The following RBFOX1 variants were observed in gnomAD, a reference collection of about 807,000 sequenced individuals.
The protein encoded by RBFOX1 is RNA binding fox-1 homolog 1, also known as RNA binding protein fox-1 homolog 1.
RBFOX1 carries 8 observed loss-of-function variants against 57.7 expected under a neutral mutation model. The ratio of observed to expected loss-of-function variants is 0.14; its 90% CI spans 0.08 to 0.25. RBFOX1 has a LOEUF of 0.25. Among genes scored for constraint, RBFOX1 ranks in the 10% least tolerant of loss-of-function variants. The pLI, the probability that RBFOX1 is intolerant of heterozygous loss-of-function variation, is 1.00. For synonymous variants in RBFOX1, 326 were observed against 222.4 expected, an observed-to-expected ratio of 1.47 and a Z score of -4.15; for missense variants, 611 against 548.5, an observed-to-expected ratio of 1.11 and a Z score of -1.14.
chr16:5,324,491 C>G (rs1283769494), intron 1 of RBFOX1, among the ~76,000 whole-genome samples: 1 of 151,986 alleles, frequency 6.6e-6, no homozygotes, highest in East Asian at 1.9e-4. Flanking sequence ...CAATCCTAGC[C>G]CTGCCCCAAA....
intron 3 of RBFOX1, among the ~76,000 whole-genome samples, chr16:6,961,950 G>T (rs370589047): frequency 1.6e-5 from 2 of 128,086 alleles, no homozygotes; most frequent in Non-Finnish European, 3.4e-5. Context: ...CAGACCTTCT[G>T]TCTCATCCTG....
At chr16:7,037,645 T>C (rs2044912461) in intron 3 of RBFOX1, among the ~76,000 whole-genome samples, 1 of 152,232 alleles carries the variant, frequency 6.6e-6, no homozygotes, top group Admixed American at 6.5e-5. Flanking sequence ...TAGGCACTCT[T>C]CTAATTGCTT....
chr16:5,505,973 C>G (rs756900488), intron 2 of RBFOX1, among the ~76,000 whole-genome samples: 12 of 152,098 alleles, frequency 7.9e-5, no homozygotes, highest in Admixed American at 6.5e-5. Flanking sequence ...CCCGCATTGA[C>G]CCAGATTGTG....
chr16:5,701,094 G>A (rs2051030914), intron 3 of RBFOX1, among the ~76,000 whole-genome samples: 1 of 144,754 alleles, frequency 6.9e-6, no homozygotes, highest in Non-Finnish European at 1.5e-5. Flanking sequence ...TTCTTGCCCT[G>A]ATGATACCAG....
At chr16:7,303,611 GAAGGAAAAA>G (rs2096086652) in intron 4 of RBFOX1, among the ~76,000 whole-genome samples, 1 of 152,068 alleles carries the variant, frequency 6.6e-6, no homozygotes, top group Non-Finnish European at 1.5e-5. Flanking sequence ...GAAGGGGAGG[GAAGGAAAAA>G]AAGGAAAAAA....
chr16:7,200,713 G>A lies in RBFOX1; in HGVS notation c.27+148615G>A, dbSNP rs539792843. Among the ~76,000 whole-genome samples the A allele has an allele frequency of 8.5e-5, 13 of 152,228 alleles. No homozygotes were observed. The East Asian group carries it at 1.9e-3, about 23-fold the overall frequency. On this transcript the variant is annotated intron_variant, in intron 4 of 15. Transcript: ENST00000550418. ...AAAGGATAATAATGCTGTGTTCCTCGGCTTAGCAGAGAGGGATCCCCATTA... is the reference window on the plus strand; with the variant it reads ...AAAGGATAATAATGCTGTGTTCCTCAGCTTAGCAGAGAGGGATCCCCATTA...
At chr16:7,423,075 G>C (rs962790687) in intron 4 of RBFOX1, 2 of 136,440 alleles carry the variant, frequency 1.5e-5, no homozygotes, top group African/African-American at 5.6e-5. Context: ...GAAACTAGGA[G>C]AGAGAGAATG....
intron 5 of RBFOX1, among the ~76,000 whole-genome samples, chr16:7,536,504 G>A (rs1383543811): frequency 1.3e-5 from 2 of 152,204 alleles, no homozygotes; most frequent in Non-Finnish European, 2.9e-5. Flanking sequence ...TGAGACAAGA[G>A]AATCGCTTGA....
At chr16:7,228,480 G>A (rs2093291526) in intron 4 of RBFOX1, among the ~76,000 whole-genome samples, 1 of 152,116 alleles carries the variant, frequency 6.6e-6, no homozygotes, top group African/African-American at 2.4e-5. Context: ...TGTTCTCATT[G>A]AACTTGGTTT....
At chr16:5,749,061 G>C (rs181748214) in intron 3 of RBFOX1, among the ~76,000 whole-genome samples, 1 of 152,232 alleles carries the variant, frequency 6.6e-6, no homozygotes, top group East Asian at 1.9e-4. Flanking sequence ...TTTAGGGCAG[G>C]CCTGGTGGTG....
chr16:6,848,065 C>G (rs1433086479), intron 3 of RBFOX1, among the ~76,000 whole-genome samples: 1 of 152,048 alleles, frequency 6.6e-6, no homozygotes, highest in Non-Finnish European at 1.5e-5. Context: ...CTCCTGACCT[C>G]AAGTGATCCA....
At chr16:5,497,583 C>G (rs942601969) in intron 2 of RBFOX1, among the ~76,000 whole-genome samples, 5 of 144,226 alleles carry the variant, frequency 3.5e-5, no homozygotes, top group Non-Finnish European at 7.4e-5. Flanking sequence ...TCAAGACCAG[C>G]TTGGCCAACG....
At chr16:5,476,964 T>C (rs2069347253) in intron 2 of RBFOX1, among the ~76,000 whole-genome samples, 2 of 152,234 alleles carry the variant, frequency 1.3e-5, no homozygotes, top group African/African-American at 4.8e-5. Flanking sequence ...TGATGTTATC[T>C]GTATATACAG....
At chr16:5,676,130 A>G (rs2050162140) in intron 3 of RBFOX1, among the ~76,000 whole-genome samples, 1 of 152,068 alleles carries the variant, frequency 6.6e-6, no homozygotes, top group African/African-American at 2.4e-5. Flanking sequence ...TAGGACAAAT[A>G]CCTAATTCAA....
In RBFOX1 at chr16:5,424,446, T is replaced by C. The variant is rs372359551; in HGVS notation, c.220-42770T>C. On this transcript the variant is annotated intron_variant, in intron 1 of 2. Transcript: ENST00000585867. The stretch of plus-strand genomic sequence containing the variant: ...CCACCGTTAGTCTGTAAAATGGACA[T>C]GCTAACATTATGAGAAGCAAAGGAA... Among the ~76,000 whole-genome samples, 54 of 152,166 alleles carry C rather than the reference T, an allele frequency of 3.5e-4. 1 individual carries two copies. Among genetic ancestry groups the C allele is most frequent in the African/African-American group, 1.3e-3 (54 of 41,524 alleles).
At chr16:6,453,418 C>G (rs887974596) in intron 2 of RBFOX1, among the ~76,000 whole-genome samples, 1 of 152,100 alleles carries the variant, frequency 6.6e-6, no homozygotes, top group African/African-American at 2.4e-5. Flanking sequence ...CGCAAATAAA[C>G]TAGAAAATCT....
chr16:7,066,830 C>T (rs1048270271), intron 4 of RBFOX1, among the ~76,000 whole-genome samples: 1 of 152,158 alleles, frequency 6.6e-6, no homozygotes, highest in African/African-American at 2.4e-5. Flanking sequence ...GATGTCAACT[C>T]TGTCTTCCCA....
At chr16:7,588,473 T>C (rs2094251698) in intron 7 of RBFOX1, among the ~76,000 whole-genome samples, 1 of 152,178 alleles carries the variant, frequency 6.6e-6, no homozygotes, top group South Asian at 2.1e-4. Flanking sequence ...AGAACAAAGA[T>C]GTGGATCTTG....
At chr16:6,086,722 C>T (rs147880018) in intron 1 of RBFOX1, among the ~76,000 whole-genome samples, 54 of 152,250 alleles carry the variant, frequency 3.5e-4, no homozygotes, top group African/African-American at 1.2e-3. Flanking sequence ...GGGATGGAAA[C>T]ATGTGGCTAA....
Sources: allele counts gnomAD v4.1 joint callset (sites outside exome capture counted in the v4.1 genomes callset), GRCh38; gene constraint gnomAD v4.1.1; transcripts MANE v1.5; gene names NCBI Gene and HGNC (gene_info 2026-07-23, HGNC 2026-07-21).